The following LRRK1 variants were observed in gnomAD, a reference collection of about 807,000 sequenced individuals.
The protein encoded by LRRK1 is leucine-rich repeat serine/threonine-protein kinase 1.
A neutral mutation model predicts 209.1 loss-of-function variants in LRRK1; 113 were observed. The observed-to-expected ratio is 0.54, with a 90% CI of 0.46 to 0.63. The LOEUF is 0.63. Among genes scored for constraint, LRRK1 ranks in the 30% least tolerant of loss-of-function variants. LRRK1 has a pLI of 0.00. For missense variants in LRRK1, 2,284 were observed against 2,632.2 expected (o/e 0.87, Z 2.89); for synonymous variants, 1,144 against 1,099.7 (o/e 1.04, Z -0.80).
chr15:100,939,407 T>C (rs1390477508), intron 2 of LRRK1, among the ~76,000 whole-genome samples: 2 of 152,244 alleles, frequency 1.3e-5, no homozygotes, highest in Non-Finnish European at 2.9e-5. Context: ...TTTTTGTAGA[T>C]CCAGAGGCCT....
At chr15:100,932,194 C>T (rs996175891) in intron 2 of LRRK1, among the ~76,000 whole-genome samples, 2 of 152,144 alleles carry the variant, frequency 1.3e-5, no homozygotes, top group African/African-American at 4.8e-5. Context: ...CCATGTTGGC[C>T]GGGCTGGTCT....
chr15:100,996,482 C>G (rs993166896), intron 6 of LRRK1, among the ~76,000 whole-genome samples: 1 of 152,242 alleles, frequency 6.6e-6, no homozygotes, highest in African/African-American at 2.4e-5. Context: ...GGACTGTTCC[C>G]AGCATCCTTC....
At chr15:101,060,653 G>T (rs1228758058) in intron 29 of LRRK1, among the ~76,000 whole-genome samples, 6 of 152,282 alleles carry the variant, frequency 3.9e-5, no homozygotes, top group African/African-American at 1.4e-4. Flanking sequence ...GAGTGCTCAG[G>T]ATGCCCGCCA....
chr15:101,028,961 A>G lies in LRRK1; in HGVS notation c.2692A>G (p.Ser898Gly). 6.2e-7 allele frequency: 1 copy of G among 1,613,736 alleles called. No individual in the cohort carries two copies. The highest frequency in any genetic ancestry group is 8.5e-7 in the Non-Finnish European group (1 of 1,179,820). ...KDYEDLQSAI[S>G]FLIETGTLLH... is the part of the protein sequence containing the mutation. ...CCTCTCCTTGCCTGGGGCAGCCATC[A>G]GCTTCCTCATAGAAACCGGCACCCT... Residue 898 changes from serine to glycine, a missense_variant, in exon 20 of 34, where the codon AGC (serine) becomes GGC (glycine). By Grantham distance (56) the Ser-to-Gly change is moderately conservative. Around this residue, in one of 6 missense-constraint regions of LRRK1, gnomAD observed 780 missense variants for 985.2 expected, o/e 0.79. Coordinates refer to ENST00000388948, the MANE Select transcript of LRRK1 (RefSeq NM_024652.6).
At chr15:100,976,992 G>A (rs2031330486) in intron 3 of LRRK1, among the ~76,000 whole-genome samples, 1 of 152,182 alleles carries the variant, frequency 6.6e-6, no homozygotes, top group South Asian at 2.1e-4. Flanking sequence ...TTCTCACTAA[G>A]TGCACTGAAG....
chr15:101,024,755 C>T lies in LRRK1; in HGVS notation c.2068-48C>T, dbSNP rs546328695. Reference sequence around the variant, plus strand: ...GTTGTCTCCGTTTGATTGACTGAAGCCTTTGTCTCTAAAATGCCTCCCTGT... The same window carrying T: ...GTTGTCTCCGTTTGATTGACTGAAGTCTTTGTCTCTAAAATGCCTCCCTGT... On this transcript the variant is annotated intron_variant, in intron 15 of 33. Coordinates refer to ENST00000388948, the MANE Select transcript of LRRK1 (RefSeq NM_024652.6). The surrounding 1 kb of genome is among the most constrained non-coding windows in gnomAD (Gnocchi z 4.6). The T allele has an allele frequency of 5.0e-6, 8 of 1,587,810 alleles. No homozygotes were observed. Among genetic ancestry groups the T allele is most frequent in the Non-Finnish European group, 6.0e-6 (7 of 1,160,446 alleles).
chr15:100,924,802 T>A, intron 2 of LRRK1, 73 bp downstream of exon 2: 1 of 1,131,826 alleles, frequency 8.8e-7, no homozygotes, highest in Non-Finnish European at 1.3e-6. Context: ...GTCTAGGCTA[T>A]GTAAGAACAA....
intron 6 of LRRK1, among the ~76,000 whole-genome samples, chr15:101,001,385 AT>A (rs1363705374): frequency 2.6e-5 from 4 of 152,082 alleles, no homozygotes; most frequent in African/African-American, 9.7e-5. Context: ...TTCAGATGCC[AT>A]TTCTGGGCCT....
At chr15:100,989,760 T>A (rs2032056340) in intron 6 of LRRK1, 3 of 326,448 alleles carry the variant, frequency 9.2e-6, no homozygotes, top group Non-Finnish European at 1.1e-5. Flanking sequence ...CATTTCATCA[T>A]GAGTTTTGAA....
chr15:100,997,289 T>G (rs1472104681), intron 6 of LRRK1, among the ~76,000 whole-genome samples: 1 of 152,154 alleles, frequency 6.6e-6, no homozygotes, highest in Non-Finnish European at 1.5e-5. Flanking sequence ...AAAAAATAAC[T>G]GACAAACACT....
At chr15:100,967,801 G>A (rs1037578365) in intron 2 of LRRK1, among the ~76,000 whole-genome samples, 2 of 152,124 alleles carry the variant, frequency 1.3e-5, no homozygotes, top group African/African-American at 4.8e-5. Context: ...CATTTTTAAT[G>A]CATTTCAAAG....
At position 101,051,866 on chromosome 15, in the gene LRRK1, G is replaced by C; in HGVS notation, c.3595G>C (p.Glu1199Gln). The C allele has an allele frequency of 6.2e-7, 1 of 1,614,104 alleles. No individual in the cohort carries two copies. The highest frequency in any genetic ancestry group is 8.5e-7 in the Non-Finnish European group (1 of 1,180,034). ...DMEDCVLTAI[E>Q]RDFISCPRHP... ...GGAAGACTGTGTCCTGACGGCCATC[G>C]AGCGGGACTTCATCTCCTGCCCCAG... The change falls in exon 24 of 34, where the codon GAG (glutamate) becomes CAG (glutamine). Residue 1199 changes from glutamate to glutamine, a missense_variant. Around this residue, in one of 6 missense-constraint regions of LRRK1, gnomAD observed 780 missense variants for 985.2 expected, o/e 0.79. Coordinates refer to ENST00000388948, the MANE Select transcript of LRRK1 (RefSeq NM_024652.6).
At chr15:101,035,926 T>C (rs939661328) in intron 20 of LRRK1, among the ~76,000 whole-genome samples, 4 of 152,218 alleles carry the variant, frequency 2.6e-5, no homozygotes, top group Non-Finnish European at 5.9e-5. Context: ...ATAGGGCCAG[T>C]CTATTAGTGA....
chr15:101,011,616 G>T (rs1278953061), intron 9 of LRRK1, among the ~76,000 whole-genome samples: 1 of 152,044 alleles, frequency 6.6e-6, no homozygotes. Flanking sequence ...GTGTGTGTGT[G>T]TTATGGCTGT....
rs755468436 is a variant in LRRK1 at position 101,028,945 on chromosome 15, G to A, written c.2687-11G>A. The A allele has an allele frequency of 5.0e-6, 8 of 1,612,538 alleles. No individual in the cohort carries two copies. The highest frequency in any genetic ancestry group is 6.8e-6 in the Non-Finnish European group (8 of 1,179,324). ...CTAACTGCTGCTTCCTCCTCTCCTT[G>A]CCTGGGGCAGCCATCAGCTTCCTCA... is the stretch of plus-strand genomic sequence containing the variant. On this transcript the variant is annotated splice_polypyrimidine_tract_variant and intron_variant, in intron 19 of 33. Transcript: ENST00000388948.
intron 33 of LRRK1, chr15:101,067,530 G>C: frequency 3.6e-6 from 1 of 278,874 alleles, no homozygotes. Context: ...CCCCATCCCT[G>C]GGCAAGTGGG....
At chr15:101,039,614 C>T (rs879745000) in intron 20 of LRRK1, among the ~76,000 whole-genome samples, 19 of 152,096 alleles carry the variant, frequency 1.2e-4, no homozygotes, top group South Asian at 4.2e-4. Flanking sequence ...GGATCTCTAG[C>T]GAAGGTTTAA....
At chr15:100,932,351 T>G (rs1392915306) in intron 2 of LRRK1, among the ~76,000 whole-genome samples, 3 of 152,196 alleles carry the variant, frequency 2.0e-5, no homozygotes, top group Admixed American at 1.3e-4. Flanking sequence ...ATATTTCTGG[T>G]TTTACATGCA....
chr15:101,007,226 A>G (rs866900327), intron 6 of LRRK1, among the ~76,000 whole-genome samples: 4 of 152,182 alleles, frequency 2.6e-5, no homozygotes, highest in Non-Finnish European at 4.4e-5. Context: ...CCTTTCTCGT[A>G]GCCTCTGCTT....
Sources: gnomAD v4.1 joint callset for allele counts (sites outside exome capture counted in the v4.1 genomes callset) on GRCh38, gnomAD v4.1.1 for gene constraint, gnomAD v4.1.1 regional missense constraint, Gnocchi (gnomAD v3.1) non-coding constraint, MANE v1.5 for transcripts, NCBI Gene and HGNC (gene_info 2026-07-23, HGNC 2026-07-21) for gene names.